The following HIP1 variants were observed in gnomAD, a reference collection of about 807,000 sequenced individuals.
HIP1 encodes the protein huntingtin-interacting protein 1.
A neutral mutation model predicts 147.6 loss-of-function variants in HIP1; 65 were observed. That is an observed-to-expected ratio of 0.44 (90% CI 0.36 to 0.54). The LOEUF (loss-of-function observed/expected upper bound fraction) is 0.54. HIP1 is among the 20% of genes least tolerant of loss of function. The pLI is 0.00. For missense variants in HIP1, 1,061 were observed against 1,299.6 expected (o/e 0.82, Z 2.82); for synonymous variants, 479 against 504.0 (o/e 0.95, Z 0.67).
At chr7:75,693,559 G>T (rs1364804877) in intron 1 of HIP1, among the ~76,000 whole-genome samples, 1 of 151,996 alleles carries the variant, frequency 6.6e-6, no homozygotes, top group South Asian at 2.1e-4. Flanking sequence ...TAGTTGTTTA[G>T]CTGGGTATGA....
chr7:75,700,473 A>G (rs907878454), intron 1 of HIP1, among the ~76,000 whole-genome samples: 2 of 152,128 alleles, frequency 1.3e-5, no homozygotes, highest in Non-Finnish European at 2.9e-5. Context: ...GAAGAAGATG[A>G]CAGGTCTCCT....
chr7:75,708,036 G>A (rs902420317), intron 1 of HIP1, among the ~76,000 whole-genome samples: 6 of 146,824 alleles, frequency 4.1e-5, no homozygotes, highest in Non-Finnish European at 5.9e-5. Context: ...GGACATAGGC[G>A]TGGGCAAGGA....
intron 21 of HIP1, among the ~76,000 whole-genome samples, chr7:75,553,832 G>A (rs1554492615): frequency 1.3e-5 from 2 of 152,218 alleles, no homozygotes; most frequent in African/African-American, 4.8e-5. Flanking sequence ...TCGAACTCCT[G>A]ACCTCAGGTG....
At chr7:75,653,390 T>C (rs1310313046) in intron 1 of HIP1, among the ~76,000 whole-genome samples, 1 of 152,164 alleles carries the variant, frequency 6.6e-6, no homozygotes, top group Non-Finnish European at 1.5e-5. Context: ...TGGTGGCTTA[T>C]ACCTGTAATC....
chr7:75,550,264 CAACTTAA>C (rs1381490263), intron 22 of HIP1, among the ~76,000 whole-genome samples: 1 of 152,126 alleles, frequency 6.6e-6, no homozygotes, highest in African/African-American at 2.4e-5. Flanking sequence ...ATCCACCACC[CAACTTAA>C]AACTTAAGGA....
chr7:75,547,808 C>T lies in HIP1; in HGVS notation c.2412G>A (p.Met804Ile), dbSNP rs1794629015. The part of the protein sequence containing the change: ...IETATARIEE[M>I]LSKSRAGDTG... ...TGTCTCCTGCTCGGGATTTGCTGAG[C>T]ATCTCCTGTGAAAAAGAAGCATGGT... Residue 804 changes from methionine (M) to isoleucine (I), a missense_variant, in exon 24 of 31, where the codon ATG (methionine) becomes ATA (isoleucine). Physicochemically the swap from Met to Ile is conservative, Grantham distance 10. Transcript: ENST00000336926. 6.2e-7 allele frequency: 1 copy of T among 1,613,604 alleles called. No homozygotes were observed. The highest frequency in any genetic ancestry group is 1.7e-5 in the Admixed American group (1 of 59,962).
intron 1 of HIP1, among the ~76,000 whole-genome samples, chr7:75,712,649 C>G (rs1801193089): frequency 6.6e-6 from 1 of 152,154 alleles, no homozygotes; most frequent in African/African-American, 2.4e-5. Flanking sequence ...CATTTACTCC[C>G]TCATACACAT....
intron 1 of HIP1, among the ~76,000 whole-genome samples, chr7:75,684,559 T>C (rs781998905): frequency 2.0e-5 from 3 of 152,166 alleles, no homozygotes; most frequent in Non-Finnish European, 4.4e-5. Context: ...CTTGCTTTTT[T>C]GGGCCCAGTA....
intron 1 of HIP1, among the ~76,000 whole-genome samples, chr7:75,623,340 G>A (rs1298842681): frequency 2.6e-5 from 4 of 152,100 alleles, no homozygotes; most frequent in African/African-American, 7.2e-5. Context: ...AGAGAGGGCA[G>A]CCGCTGGGAG....
chr7:75,611,899 G>A, intron 1 of HIP1: 1 of 1,009,242 alleles, frequency 9.9e-7, no homozygotes, highest in South Asian at 4.7e-5. Context: ...TCCCTCCCCA[G>A]CACTCCCCAT....
At chr7:75,691,033 T>C (rs889302683) in intron 1 of HIP1, among the ~76,000 whole-genome samples, 2 of 152,188 alleles carry the variant, frequency 1.3e-5, no homozygotes, top group South Asian at 2.1e-4. Flanking sequence ...GCAGATGAAA[T>C]GGATAAACGA....
At chr7:75,542,485 G>A (rs1283819321) in intron 28 of HIP1, among the ~76,000 whole-genome samples, 1 of 151,972 alleles carries the variant, frequency 6.6e-6, no homozygotes, top group Non-Finnish European at 1.5e-5. Context: ...GATCACCTGA[G>A]GTGAGGAGTT....
At chr7:75,604,827 T>C (rs1797156797) in intron 1 of HIP1, among the ~76,000 whole-genome samples, 1 of 152,186 alleles carries the variant, frequency 6.6e-6, no homozygotes, top group African/African-American at 2.4e-5. Flanking sequence ...CTCAAACTTG[T>C]GGTCATTATG....
rs868924381 is a variant in HIP1, at chr7:75,663,980, A to G, written c.121-64733T>C. ...TATGTGTATATATATATACACATAT[A>G]TGTGTATATATATACACATATATGT... On this transcript the variant is annotated intron_variant, in intron 1 of 30. Coordinates refer to ENST00000336926, the MANE Select transcript of HIP1 (RefSeq NM_005338.7). Among the ~76,000 whole-genome samples the G allele has an allele frequency of 1.6e-3, 21 of 13,412 alleles. 1 individual carries two copies. The highest frequency in any genetic ancestry group is 2.3e-3 in the African/African-American group (5 of 2,214). The allele number at this position is 13,412 out of a possible 152,430, so 8.8% of individuals were successfully genotyped here. A position where few individuals can be genotyped will look rare whatever the true frequency, so the allele number is the denominator to read the frequency against.
chr7:75,611,768 G>A (rs1405391534), intron 1 of HIP1: 1 of 1,038,360 alleles, frequency 9.6e-7, no homozygotes, highest in African/African-American at 1.7e-5. Context: ...TGTCTCCCCT[G>A]AAAGGGTGGC....
At chr7:75,620,719 A>G (rs918173548) in intron 1 of HIP1, among the ~76,000 whole-genome samples, 1 of 151,764 alleles carries the variant, frequency 6.6e-6, no homozygotes, top group Non-Finnish European at 1.5e-5. Flanking sequence ...AATAAACAAA[A>G]CCAAAATAAA....
chr7:75,720,440 C>T (rs183959446), intron 1 of HIP1, among the ~76,000 whole-genome samples: 31 of 152,164 alleles, frequency 2.0e-4, no homozygotes, highest in African/African-American at 6.3e-4. Flanking sequence ...GGATTACAGG[C>T]GTGAGTTACC....
intron 1 of HIP1, among the ~76,000 whole-genome samples, chr7:75,672,759 T>C (rs1441821674): frequency 6.6e-6 from 1 of 152,214 alleles, no homozygotes; most frequent in Non-Finnish European, 1.5e-5. Flanking sequence ...TCCAAGCTCA[T>C]AAAGATTTAC....
rs145931380 is a variant in HIP1, at chr7:75,552,864, AT to A, written c.2295+588del. ...CCTTCAGGAGGTTTTTCCTTTTTAA[AT>A]TTTTTTTTTTTTAATTTTTAAAGAG... On this transcript the variant is annotated intron_variant, in intron 22 of 30. Coordinates refer to ENST00000336926, the MANE Select transcript of HIP1 (RefSeq NM_005338.7). Among the ~76,000 whole-genome samples the A allele has an allele frequency of 2.2e-3, 316 of 144,640 alleles. 2 individuals are homozygous for A. The highest frequency in any genetic ancestry group is 6.2e-3 in the African/African-American group (245 of 39,382). 94.9% of individuals were successfully genotyped at this position (144,640 alleles called of 152,430 possible). A position where few individuals can be genotyped will look rare whatever the true frequency, so the allele number is the denominator to read the frequency against.
Sources: gnomAD v4.1 joint callset for allele counts (sites outside exome capture counted in the v4.1 genomes callset) on GRCh38, gnomAD v4.1.1 for gene constraint, MANE v1.5 for transcripts, NCBI Gene and HGNC (gene_info 2026-07-23, HGNC 2026-07-21) for gene names.